SGCZ: variants seen among roughly 807,000 people sequenced by gnomAD.
The protein encoded by SGCZ is zeta-sarcoglycan.
Under a neutral mutation model 41.3 loss-of-function variants are expected in SGCZ, and 40 were observed. The ratio of observed to expected loss-of-function variants is 0.97; its 90% confidence interval spans 0.75 to 1.26. The LOEUF is 1.26. SGCZ is among the 50% of genes most tolerant of loss of function. SGCZ has a pLI of 0.00. For synonymous variants in SGCZ, 206 were observed against 137.5 expected, an observed-to-expected ratio of 1.50 and a Z score of -3.49; for missense variants, 552 against 369.8, an observed-to-expected ratio of 1.49 and a Z score of -4.04.
At chr8:15,101,065 G>A (rs1806593860) in intron 1 of SGCZ, among the ~76,000 whole-genome samples, 1 of 151,814 alleles carries the variant, frequency 6.6e-6, no homozygotes, top group Non-Finnish European at 1.5e-5. Flanking sequence ...ATGCAAAATT[G>A]AATCTAGACA....
At chr8:15,117,440 C>A (rs934095809) in intron 1 of SGCZ, among the ~76,000 whole-genome samples, 1 of 151,996 alleles carries the variant, frequency 6.6e-6, no homozygotes, top group Non-Finnish European at 1.5e-5. Flanking sequence ...TTATCTCCAA[C>A]AAAATGCTAT....
chr8:14,286,860 T>G (rs963855285), intron 3 of SGCZ, among the ~76,000 whole-genome samples: 52 of 152,088 alleles, frequency 3.4e-4, no homozygotes, highest in African/African-American at 1.0e-3. Flanking sequence ...TTAGTACTTT[T>G]TGAGTGCTGG....
At chr8:14,644,916 A>G (rs1441021014) in intron 1 of SGCZ, among the ~76,000 whole-genome samples, 1 of 145,950 alleles carries the variant, frequency 6.9e-6, no homozygotes, top group African/African-American at 2.5e-5. Context: ...CTTGACAGAA[A>G]TATAAAATAT....
At chr8:14,779,993 A>C (rs182982924) in intron 1 of SGCZ, among the ~76,000 whole-genome samples, 76 of 152,306 alleles carry the variant, frequency 5.0e-4, no homozygotes, top group African/African-American at 1.8e-3. Flanking sequence ...GAAATAAATA[A>C]TTGTCATTCT....
At chr8:15,030,952 AATTT>A (rs1199243634) in intron 1 of SGCZ, among the ~76,000 whole-genome samples, 1 of 152,132 alleles carries the variant, frequency 6.6e-6, no homozygotes, top group Admixed American at 6.6e-5. Context: ...AGGCCACACC[AATTT>A]TTATTTTGGA....
chr8:15,163,822 A>G (rs891939222), intron 1 of SGCZ, among the ~76,000 whole-genome samples: 1 of 152,230 alleles, frequency 6.6e-6, no homozygotes, highest in Admixed American at 6.5e-5. Context: ...TCACTGTCCA[A>G]AAGAAAAATT....
intron 1 of SGCZ, among the ~76,000 whole-genome samples, chr8:14,988,206 T>A (rs527315133): frequency 6.6e-6 from 1 of 151,898 alleles, no homozygotes; most frequent in African/African-American, 2.4e-5. Flanking sequence ...ATTCATTTAG[T>A]AATATTAACA....
At chr8:15,222,551 G>A (rs923557480) in intron 1 of SGCZ, among the ~76,000 whole-genome samples, 8 of 152,154 alleles carry the variant, frequency 5.3e-5, no homozygotes, top group Admixed American at 3.3e-4. Context: ...GCTTTTACCA[G>A]TAGTTGTCTA....
chr8:14,191,763 T>C (rs570478373), intron 4 of SGCZ, among the ~76,000 whole-genome samples: 49 of 152,294 alleles, frequency 3.2e-4, no homozygotes, highest in African/African-American at 1.1e-3. Flanking sequence ...TGTTTTTATA[T>C]TGGAAATTAA....
intron 2 of SGCZ, among the ~76,000 whole-genome samples, chr8:14,425,324 CA>C (rs1799748325): frequency 6.6e-6 from 1 of 151,956 alleles, no homozygotes; most frequent in African/African-American, 2.4e-5. Flanking sequence ...TAAAAAATTT[CA>C]AAAAGTACAT....
intron 1 of SGCZ, among the ~76,000 whole-genome samples, chr8:14,923,257 C>T (rs1253667519): frequency 1.3e-5 from 2 of 152,154 alleles, no homozygotes; most frequent in South Asian, 2.1e-4. Context: ...TCTACTTTGA[C>T]TCAATGGAAT....
intron 2 of SGCZ, among the ~76,000 whole-genome samples, chr8:14,532,186 C>T (rs1003602662): frequency 3.9e-5 from 6 of 151,928 alleles, no homozygotes; most frequent in African/African-American, 9.7e-5. Flanking sequence ...AAGTAAGGCA[C>T]TAAAAATCAC....
intron 1 of SGCZ, among the ~76,000 whole-genome samples, chr8:14,685,161 T>C (rs1808570726): frequency 6.6e-6 from 1 of 152,056 alleles, no homozygotes; most frequent in Non-Finnish European, 1.5e-5. Context: ...AGAAGGAAAA[T>C]TAAATCTTCA....
At chr8:14,882,732 C>T (rs143765527) in intron 1 of SGCZ, among the ~76,000 whole-genome samples, 292 of 152,136 alleles carry the variant, frequency 1.9e-3, no homozygotes, top group Non-Finnish European at 3.2e-3. Context: ...GTAATACCTT[C>T]CTCAATCTAC....
At chr8:14,278,420 C>G (rs1389599878) in intron 3 of SGCZ, among the ~76,000 whole-genome samples, 1 of 152,034 alleles carries the variant, frequency 6.6e-6, no homozygotes, top group Non-Finnish European at 1.5e-5. Flanking sequence ...CTGAGCCATC[C>G]AAATAATTTA....
chr8:14,547,114 G>T (rs560128726), intron 2 of SGCZ, among the ~76,000 whole-genome samples: 81 of 151,806 alleles, frequency 5.3e-4, no homozygotes, highest in African/African-American at 1.9e-3. Context: ...TATAATTCAG[G>T]GTATTTTACA....
At chr8:14,262,964 G>A (rs999911959) in intron 3 of SGCZ, among the ~76,000 whole-genome samples, 3 of 151,994 alleles carry the variant, frequency 2.0e-5, no homozygotes, top group South Asian at 4.1e-4. Flanking sequence ...CTTGATTTAC[G>A]CGAACACTTG....
At chr8:14,756,191 T>TC (rs1314394703) in intron 1 of SGCZ, among the ~76,000 whole-genome samples, 4 of 151,066 alleles carry the variant, frequency 2.6e-5, no homozygotes, top group Non-Finnish European at 5.9e-5. Flanking sequence ...GTAAATTTTT[T>TC]TTTTTTTTTT....
At chr8:14,941,793 T>G (rs1205989937) in intron 1 of SGCZ, among the ~76,000 whole-genome samples, 1 of 151,728 alleles carries the variant, frequency 6.6e-6, no homozygotes, top group Non-Finnish European at 1.5e-5. Context: ...TAACATATGT[T>G]ACATGTCATA....
Sources: gnomAD v4.1 joint callset for allele counts (sites outside exome capture counted in the v4.1 genomes callset) on GRCh38, gnomAD v4.1.1 for gene constraint, MANE v1.5 for transcripts, NCBI Gene and HGNC (gene_info 2026-07-23, HGNC 2026-07-21) for gene names.